Variants in MS4A1 observed in about 807,000 individuals in gnomAD.
MS4A1 encodes the protein membrane spanning 4-domains A1, also known as B-lymphocyte antigen CD20.
A neutral mutation model predicts 26.5 loss-of-function variants in MS4A1; 16 were observed. That is an observed-to-expected ratio of 0.60 (90% CI 0.41 to 0.92). The LOEUF is 0.92. MS4A1 is among the 40% of genes least tolerant of loss of function. The pLI, the probability that MS4A1 is intolerant of heterozygous loss-of-function variation, is 0.00. For synonymous variants in MS4A1, 128 were observed against 117.6 expected (o/e 1.09, Z -0.57); for missense variants, 350 against 353.0 (o/e 0.99, Z 0.07).
chr11:60,462,989 G>A lies in MS4A1; in HGVS notation c.160-13G>A. 1.9e-6 allele frequency: 3 copies of A among 1,613,176 alleles called. No individual in the cohort carries two copies. Among genetic ancestry groups the A allele is most frequent in the South Asian group, 2.2e-5 (2 of 91,056 alleles). ...TTTCAGCTCATCCACTGCTGCCTCT[G>A]TTCTCTCCCCAGGCTGTCCAGATTA... On this transcript the variant is annotated splice_polypyrimidine_tract_variant and intron_variant, in intron 3 of 7. Transcript: ENST00000345732.
chr11:60,462,568 A>G, intron 3 of MS4A1, 35 bp downstream of exon 3: 4 of 1,613,682 alleles, frequency 2.5e-6, no homozygotes, highest in Non-Finnish European at 3.4e-6. Context: ...TGTCGTAGGG[A>G]TTCTCTGGCT....
intron 4 of MS4A1, 133 bp downstream of exon 4, chr11:60,463,254 T>C: frequency 7.7e-7 from 1 of 1,305,254 alleles, no homozygotes; most frequent in African/African-American, 1.5e-5. Flanking sequence ...TTAAAGTAAT[T>C]AAGAAGACAG....
At chr11:60,463,395 G>A (rs982311284) in intron 4 of MS4A1, among the ~76,000 whole-genome samples, 2 of 152,172 alleles carry the variant, frequency 1.3e-5, no homozygotes, top group Admixed American at 6.5e-5. Context: ...GTCAGTTCTG[G>A]TGGGGAGGGT....
intron 7 of MS4A1, among the ~76,000 whole-genome samples, 166 bp from the exon 8 acceptor site, chr11:60,468,084 G>A (rs898246066): frequency 6.6e-6 from 1 of 152,068 alleles, no homozygotes; most frequent in African/African-American, 2.4e-5. Context: ...TAAATGACTT[G>A]ATAAGGATAT....
chr11:60,467,868 C>T (rs1000836010), intron 7 of MS4A1, among the ~76,000 whole-genome samples: 2 of 152,066 alleles, frequency 1.3e-5, no homozygotes, highest in Non-Finnish European at 2.9e-5. Flanking sequence ...GAAATCATCG[C>T]TAATTACTTC....
chr11:60,465,403 C>A (rs776718516), intron 5 of MS4A1, among the ~76,000 whole-genome samples: 8 of 152,176 alleles, frequency 5.3e-5, no homozygotes, highest in Non-Finnish European at 1.2e-4. Flanking sequence ...ACTGTTGTTG[C>A]TTCTGCTTTT....
intron 7 of MS4A1, 150 bp from the exon 8 acceptor site, chr11:60,468,100 C>T: frequency 1.5e-6 from 1 of 659,140 alleles, no homozygotes; most frequent in East Asian, 2.8e-5. Context: ...GATATAAGCA[C>T]CTGCAAAAAA....
chr11:60,462,106 A>C, intron 2 of MS4A1, 79 bp from the exon 3 acceptor site: 1 of 555,894 alleles, frequency 1.8e-6, no homozygotes, highest in South Asian at 1.7e-5. Context: ...AATGCCCCAA[A>C]CCCAGTTGTC....
intron 5 of MS4A1, among the ~76,000 whole-genome samples, chr11:60,465,488 C>T (rs2086283589): frequency 6.6e-6 from 1 of 152,138 alleles, no homozygotes; most frequent in Non-Finnish European, 1.5e-5. Context: ...TTCATAATAC[C>T]ATCCCACTAA....
In MS4A1 at chr11:60,470,174, G is replaced by A. The variant is rs201999008; in HGVS notation, c.*1706G>A. On this transcript the variant is annotated 3_prime_UTR_variant, in exon 8 of 8. Coordinates refer to ENST00000345732, the MANE Select transcript of MS4A1 (RefSeq NM_152866.3). The stretch of plus-strand genomic sequence containing the variant: ...ATACAACCCAAATCTAGGTTTGAAC[G>A]GTGAGGTGTCAGGTCATCAAATATT... 2 of 151,912 alleles carry A rather than the reference G, an allele frequency of 1.3e-5. No individual in the cohort carries two copies. The highest frequency in any genetic ancestry group is 6.6e-5 in the Admixed American group (1 of 15,256). The allele number at this position is 151,912 out of a possible 1,614,324, so 9.4% of individuals were successfully genotyped here.
chr11:60,466,919 A>T lies in MS4A1; in HGVS notation c.574-40A>T, dbSNP rs760733438. 2.6e-6 allele frequency: 4 copies of T among 1,568,088 alleles called. No homozygotes were observed. In the Admixed American group the frequency reaches 6.7e-5, roughly 26 times the overall value. On this transcript the variant is annotated intron_variant, in intron 6 of 7. Coordinates refer to ENST00000345732, the MANE Select transcript of MS4A1 (RefSeq NM_152866.3). Reference sequence around the variant, plus strand: ...GAACACCAACAATGTTCTTTGTGCCATTATTACATTTTCACCTTCATTCTT... The same window carrying T: ...GAACACCAACAATGTTCTTTGTGCCTTTATTACATTTTCACCTTCATTCTT...
chr11:60,456,357 A>G (rs548265972), intron 1 of MS4A1, among the ~76,000 whole-genome samples: 1 of 152,328 alleles, frequency 6.6e-6, no homozygotes, highest in African/African-American at 2.4e-5. Flanking sequence ...GGAAAATTGG[A>G]ACTAAAATCC....
At chr11:60,463,816 C>A (rs1158278699) in intron 4 of MS4A1, 1 of 455,426 alleles carries the variant, frequency 2.2e-6, no homozygotes, top group Non-Finnish European at 4.4e-6. Flanking sequence ...CCTGTAACAG[C>A]CAATGTTTTC....
intron 4 of MS4A1, chr11:60,463,828 T>G (rs779081512): frequency 6.6e-6 from 3 of 455,858 alleles, no homozygotes; most frequent in Non-Finnish European, 1.3e-5. Context: ...AATGTTTTCA[T>G]GGAGTGCCTG....
chr11:60,457,633 G>A (rs1419272103), intron 1 of MS4A1, among the ~76,000 whole-genome samples: 2 of 152,166 alleles, frequency 1.3e-5, no homozygotes, highest in African/African-American at 4.8e-5. Context: ...TGGAGCTAAA[G>A]TGAAATGTGG....
rs199971878 is a variant in MS4A1, at chr11:60,469,563, A to G, written c.*1095A>G. On this transcript the variant is annotated 3_prime_UTR_variant, in exon 8 of 8. Coordinates refer to ENST00000345732, the MANE Select transcript of MS4A1 (RefSeq NM_152866.3). ...CAGCAATAAACAAGCACTGAGAGAC[A>G]CAGAGAGCCAGATTCAGATTTTACC... 1.3e-5 allele frequency: 2 copies of G among 152,192 alleles called. No homozygotes were observed. The highest frequency in any genetic ancestry group is 1.5e-5 in the Non-Finnish European group (1 of 67,998). 9.4% of individuals were successfully genotyped at this position (152,192 alleles called of 1,614,324 possible).
chr11:60,459,992 T>G (rs1226767193), intron 1 of MS4A1, among the ~76,000 whole-genome samples: 55 of 152,234 alleles, frequency 3.6e-4, no homozygotes, highest in African/African-American at 1.3e-3. Flanking sequence ...ACAGCTGTTA[T>G]CCTAGCACTT....
At chr11:60,457,801 G>C (rs1367480603) in intron 1 of MS4A1, among the ~76,000 whole-genome samples, 1 of 152,170 alleles carries the variant, frequency 6.6e-6, no homozygotes, top group African/African-American at 2.4e-5. Flanking sequence ...GAAGTGAGTG[G>C]GTGGAGAGGA....
rs887540796 is a variant in MS4A1 at position 60,468,879 on chromosome 11, A to T, written c.*411A>T. The T allele has an allele frequency of 5.4e-6, 1 of 185,352 alleles. No homozygotes were observed. The highest frequency in any genetic ancestry group is 1.1e-5 in the Non-Finnish European group (1 of 87,922). The allele number at this position is 185,352 out of a possible 1,614,324, so 11.5% of individuals were successfully genotyped here. A position where few individuals can be genotyped will look rare whatever the true frequency, so the allele number is the denominator to read the frequency against. ...CTAAACTATCTTTTTTTTATTCCACATCTACGTTTTTGGTGGAGTCCCTTT... is the reference window on the plus strand; with the variant it reads ...CTAAACTATCTTTTTTTTATTCCACTTCTACGTTTTTGGTGGAGTCCCTTT... On this transcript the variant is annotated 3_prime_UTR_variant, in exon 8 of 8. Transcript: ENST00000345732.
Sources: allele counts gnomAD v4.1 joint callset (sites outside exome capture counted in the v4.1 genomes callset), GRCh38; gene constraint gnomAD v4.1.1; transcripts MANE v1.5; gene names NCBI Gene and HGNC (gene_info 2026-07-23, HGNC 2026-07-21).